GSK3B: variants seen among roughly 807,000 people sequenced by gnomAD.
The protein encoded by GSK3B is glycogen synthase kinase-3 beta.
A neutral mutation model predicts 56.4 loss-of-function variants in GSK3B; 15 were observed. The observed-to-expected ratio is 0.27, with a 90% CI of 0.18 to 0.41. The LOEUF is 0.41. Among genes scored for constraint, GSK3B ranks in the 10% least tolerant of loss-of-function variants. The probability of loss-of-function intolerance (pLI) is 1.00; values close to 1 mark genes in which losing one functional copy is unlikely to be tolerated. For synonymous variants in GSK3B, 181 were observed against 188.9 expected, an observed-to-expected ratio of 0.96 and a Z score of 0.34; for missense variants, 300 against 513.4, an observed-to-expected ratio of 0.58 and a Z score of 4.02.
Position 119,984,747 on chromosome 3 carries a change from C to A in GSK3B, c.282+17299G>T, listed in dbSNP as rs1476748457. On this transcript the variant is annotated intron_variant, in intron 2 of 10. Coordinates refer to ENST00000264235, the MANE Select transcript of GSK3B (RefSeq NM_001146156.2). ...AATAGTCTACCAACCAAAAAAAGTC[C>A]AGGACCAGAGGTACAAAGAGGAGCT... Among the ~76,000 whole-genome samples the A allele has an allele frequency of 2.0e-5, 3 of 150,248 alleles. No homozygotes were observed. In the East Asian group the frequency reaches 5.9e-4, roughly 29 times the overall value.
rs976471925 is a variant in GSK3B, at chr3:119,878,369, T to C, written c.814-1861A>G. Among the ~76,000 whole-genome samples the C allele has an allele frequency of 5.9e-5, 9 of 152,232 alleles. No homozygotes were observed. The East Asian group carries it at 1.5e-3, about 26-fold the overall frequency. Reference sequence around the variant, plus strand: ...GGCAAATAAGCACAAGAAAAGATGCTTGGCATCATTAATCATTAGGGAAAT... The same window carrying C: ...GGCAAATAAGCACAAGAAAAGATGCCTGGCATCATTAATCATTAGGGAAAT... On this transcript the variant is annotated intron_variant, in intron 7 of 10. Coordinates refer to ENST00000264235, the MANE Select transcript of GSK3B (RefSeq NM_001146156.2).
chr3:120,065,784 A>C (rs1040787810), intron 1 of GSK3B, among the ~76,000 whole-genome samples: 8 of 152,234 alleles, frequency 5.3e-5, no homozygotes, highest in African/African-American at 1.9e-4. Context: ...ACAGGAACGA[A>C]GTACTGATAC....
chr3:120,083,648 T>C (rs777447512), intron 1 of GSK3B, among the ~76,000 whole-genome samples: 1 of 152,186 alleles, frequency 6.6e-6, no homozygotes, highest in Non-Finnish European at 1.5e-5. Context: ...GCCATTCCAC[T>C]ACTTAGGTAT....
At chr3:119,849,932 G>A (rs2055904624) in intron 9 of GSK3B, among the ~76,000 whole-genome samples, 1 of 152,050 alleles carries the variant, frequency 6.6e-6, no homozygotes, top group Non-Finnish European at 1.5e-5. Context: ...TCTCGTGCAT[G>A]AGCCTCTCAT....
chr3:120,029,048 C>T, intron 1 of GSK3B: 1 of 682,194 alleles, frequency 1.5e-6, no homozygotes, highest in Non-Finnish European at 2.6e-6. Flanking sequence ...TTATTTTTTA[C>T]TGTTGGGTTT....
chr3:119,969,308 C>T (rs1329514211), intron 2 of GSK3B, among the ~76,000 whole-genome samples: 1 of 150,908 alleles, frequency 6.6e-6, no homozygotes, highest in African/African-American at 2.4e-5. Context: ...AAAAAAAAAT[C>T]TATATGATGA....
chr3:119,838,881 G>A (rs1280260601), intron 10 of GSK3B, among the ~76,000 whole-genome samples: 1 of 152,168 alleles, frequency 6.6e-6, no homozygotes, highest in East Asian at 1.9e-4. Flanking sequence ...AATTCTGACA[G>A]CTCTTGTTTT....
At chr3:119,832,014 T>C (rs998617120) in intron 10 of GSK3B, among the ~76,000 whole-genome samples, 1 of 152,252 alleles carries the variant, frequency 6.6e-6, no homozygotes, top group Non-Finnish European at 1.5e-5. Flanking sequence ...TTGGTATCCA[T>C]GCCTAATGCA....
At chr3:120,086,050 G>C (rs936754614) in intron 1 of GSK3B, among the ~76,000 whole-genome samples, 1 of 152,064 alleles carries the variant, frequency 6.6e-6, no homozygotes, top group African/African-American at 2.4e-5. Flanking sequence ...GGCCATAAAT[G>C]TATCTAGAAA....
At chr3:119,832,582 C>T (rs1299371926) in intron 10 of GSK3B, among the ~76,000 whole-genome samples, 1 of 152,222 alleles carries the variant, frequency 6.6e-6, no homozygotes, top group Non-Finnish European at 1.5e-5. Context: ...AATCTCCCTA[C>T]ACAATTAGGT....
At chr3:120,092,697 C>T (rs528878389) in intron 1 of GSK3B, among the ~76,000 whole-genome samples, 1 of 152,280 alleles carries the variant, frequency 6.6e-6, no homozygotes, top group African/African-American at 2.4e-5. Context: ...AACACAAATG[C>T]ATACAGAGAT....
chr3:119,927,186 T>A (rs950123103), intron 3 of GSK3B, among the ~76,000 whole-genome samples: 5 of 152,240 alleles, frequency 3.3e-5, no homozygotes, highest in Admixed American at 1.3e-4. Flanking sequence ...TATACACATA[T>A]AAAAATCATG....
At chr3:120,002,265 T>C (rs1262613986) in intron 1 of GSK3B, 26 bp from the exon 2 acceptor site, 2 of 1,442,396 alleles carry the variant, frequency 1.4e-6, no homozygotes, top group African/African-American at 2.9e-5. Context: ...AAATTTTTTT[T>C]TCACGAGAAC....
chr3:119,953,300 G>T (rs1280453600), intron 2 of GSK3B, among the ~76,000 whole-genome samples: 2 of 151,944 alleles, frequency 1.3e-5, no homozygotes, highest in African/African-American at 4.8e-5. Context: ...TAACATGAGA[G>T]ATATAGAAAA....
At chr3:119,957,196 A>C (rs2057222590) in intron 2 of GSK3B, among the ~76,000 whole-genome samples, 1 of 152,208 alleles carries the variant, frequency 6.6e-6, no homozygotes, top group African/African-American at 2.4e-5. Flanking sequence ...TTACATAACT[A>C]TAATTAGTGT....
chr3:119,934,255 G>A (rs2056973058), intron 3 of GSK3B, among the ~76,000 whole-genome samples: 1 of 152,186 alleles, frequency 6.6e-6, no homozygotes, highest in African/African-American at 2.4e-5. Flanking sequence ...GGTGTTGAAA[G>A]TCAGTTAACA....
At chr3:120,042,871 C>A (rs566402203) in intron 1 of GSK3B, among the ~76,000 whole-genome samples, 12 of 152,210 alleles carry the variant, frequency 7.9e-5, no homozygotes, top group Non-Finnish European at 1.6e-4. Context: ...GACCAAATGT[C>A]TTCCAATTGC....
intron 1 of GSK3B, among the ~76,000 whole-genome samples, chr3:120,030,860 C>T (rs1174753366): frequency 6.6e-6 from 1 of 152,208 alleles, no homozygotes; most frequent in Non-Finnish European, 1.5e-5. Flanking sequence ...GCTATATCTT[C>T]TGTATGAATC....
intron 2 of GSK3B, among the ~76,000 whole-genome samples, chr3:119,992,695 T>C (rs777834590): frequency 6.6e-6 from 1 of 151,444 alleles, no homozygotes; most frequent in Non-Finnish European, 1.5e-5. Flanking sequence ...ACACCTAATA[T>C]AAATTCCATA....
Sources: allele counts gnomAD v4.1 joint callset (sites outside exome capture counted in the v4.1 genomes callset), GRCh38; gene constraint gnomAD v4.1.1; transcripts MANE v1.5; gene names NCBI Gene and HGNC (gene_info 2026-07-23, HGNC 2026-07-21).